Variants in JMY observed in about 807,000 individuals in gnomAD.
JMY encodes the protein junction-mediating and -regulatory protein.
A neutral mutation model predicts 103.3 loss-of-function variants in JMY; 46 were observed. The ratio of observed to expected loss-of-function variants is 0.45; its 90% CI spans 0.35 to 0.57. The LOEUF is 0.57. JMY is among the 20% of genes least tolerant of loss of function. JMY has a pLI of 0.00. For synonymous variants in JMY, 526 were observed against 489.3 expected, an observed-to-expected ratio of 1.07 and a Z score of -0.99; for missense variants, 1,238 against 1,255.2, an observed-to-expected ratio of 0.99 and a Z score of 0.21.
At chr5:79,265,271 TAGATA>T (rs1403849512) in intron 1 of JMY, among the ~76,000 whole-genome samples, 2 of 152,228 alleles carry the variant, frequency 1.3e-5, no homozygotes, top group African/African-American at 4.8e-5. Context: ...TTTAATTTTA[TAGATA>T]AGTAAATTGA....
Position 79,322,122 on chromosome 5 carries a change from A to G in JMY, c.*520A>G, listed in dbSNP as rs1747473385. 6.6e-6 allele frequency: 1 copy of G among 152,228 alleles called. No homozygotes were observed. The highest frequency in any genetic ancestry group is 2.4e-5 in the African/African-American group (1 of 41,462). 9.4% of individuals were successfully genotyped at this position (152,228 alleles called of 1,614,324 possible). On this transcript the variant is annotated 3_prime_UTR_variant, in exon 11 of 11. Coordinates refer to ENST00000396137, the MANE Select transcript of JMY (RefSeq NM_152405.5). The stretch of plus-strand genomic sequence containing the variant: ...AGTCAGGCATTAAAATCAAATGGAA[A>G]TACACCTAAAATGTCCGCATTACTC...
intron 6 of JMY, among the ~76,000 whole-genome samples, chr5:79,304,936 A>T (rs983613764): frequency 6.6e-6 from 1 of 152,220 alleles, no homozygotes; most frequent in Non-Finnish European, 1.5e-5. Context: ...GAGCAGGGGT[A>T]GGATTCTGTC....
intron 7 of JMY, among the ~76,000 whole-genome samples, chr5:79,308,912 C>A (rs1397862955): frequency 1.3e-5 from 2 of 151,928 alleles, no homozygotes; most frequent in Non-Finnish European, 2.9e-5. Flanking sequence ...AAGATTTATA[C>A]CTAAGATACC....
intron 1 of JMY, among the ~76,000 whole-genome samples, chr5:79,256,592 G>A (rs567283080): frequency 1.6e-4 from 25 of 152,096 alleles, no homozygotes; most frequent in Non-Finnish European, 3.7e-4. Context: ...ATGTTTTTTA[G>A]GGATGGAGTC....
intron 10 of JMY, 36 bp downstream of exon 10, chr5:79,316,346 A>G: frequency 6.7e-7 from 1 of 1,482,484 alleles, no homozygotes; most frequent in Non-Finnish European, 9.2e-7. Context: ...GCATTCAGTA[A>G]TACAGGTTTT....
chr5:79,290,427 C>T (rs1479797467), intron 3 of JMY, among the ~76,000 whole-genome samples, 156 bp downstream of exon 3: 1 of 151,874 alleles, frequency 6.6e-6, no homozygotes, highest in Non-Finnish European at 1.5e-5. Flanking sequence ...CACATCCTAT[C>T]AGTCTTTTCA....
At chr5:79,283,116 C>T (rs1344197550) in intron 2 of JMY, among the ~76,000 whole-genome samples, 4 of 152,062 alleles carry the variant, frequency 2.6e-5, no homozygotes, top group African/African-American at 4.8e-5. Flanking sequence ...CTCAGCCTCC[C>T]GGAGTAGCTG....
rs1745835664 is a variant in JMY, at chr5:79,273,141, CTT to C, written c.1033-4767_1033-4766del. On this transcript the variant is annotated intron_variant, in intron 1 of 10. Transcript: ENST00000396137. ...TCCTACTAATATCATTTCCAGCAAT[CTT>C]TATTCCTTTATGAAAATCTAAGTTT... Among the ~76,000 whole-genome samples the C allele has an allele frequency of 1.3e-5, 2 of 152,184 alleles. 1 individual carries two copies. The highest frequency in any genetic ancestry group is 1.3e-4 in the Admixed American group (2 of 15,272).
intron 4 of JMY, among the ~76,000 whole-genome samples, chr5:79,299,622 T>C (rs1289190018): frequency 3.9e-5 from 6 of 152,200 alleles, no homozygotes; most frequent in Non-Finnish European, 7.4e-5. Context: ...AGGATTTCCA[T>C]CTAAAGCAAT....
chr5:79,268,476 ATTTT>A (rs368808336), intron 1 of JMY, among the ~76,000 whole-genome samples: 1 of 145,662 alleles, frequency 6.9e-6, no homozygotes, highest in African/African-American at 2.8e-5. Context: ...CTTTTTATTT[ATTTT>A]TTATTTATTT....
At chr5:79,292,760 G>A (rs1348394512) in intron 4 of JMY, among the ~76,000 whole-genome samples, 1 of 151,948 alleles carries the variant, frequency 6.6e-6, no homozygotes, top group Non-Finnish European at 1.5e-5. Flanking sequence ...GGAAAAACGA[G>A]CATGAAATGG....
intron 3 of JMY, 106 bp from the exon 4 acceptor site, chr5:79,291,024 T>C (rs1436219821): frequency 1.3e-6 from 1 of 757,076 alleles, no homozygotes; most frequent in Non-Finnish European, 2.0e-6. Flanking sequence ...CAGTTTATCA[T>C]GACAGCAGGA....
At chr5:79,271,354 G>A (rs1447572948) in intron 1 of JMY, among the ~76,000 whole-genome samples, 1 of 152,044 alleles carries the variant, frequency 6.6e-6, no homozygotes, top group Non-Finnish European at 1.5e-5. Flanking sequence ...TTCTTGTAGT[G>A]TTTGTCTGTT....
chr5:79,275,824 A>G (rs1189346149), intron 1 of JMY, among the ~76,000 whole-genome samples: 1 of 152,140 alleles, frequency 6.6e-6, no homozygotes, highest in Non-Finnish European at 1.5e-5. Context: ...TTTAATGTAG[A>G]TTGTCTGATT....
chr5:79,262,254 C>G (rs1457947287), intron 1 of JMY, among the ~76,000 whole-genome samples: 2 of 152,200 alleles, frequency 1.3e-5, no homozygotes, highest in Non-Finnish European at 2.9e-5. Flanking sequence ...AAGGCCTTCC[C>G]TCTTCATCTC....
In JMY at chr5:79,325,039, C is replaced by T. The variant is rs1561322140; in HGVS notation, c.*3437C>T. 1 of 152,616 alleles carries T rather than the reference C, an allele frequency of 6.6e-6. No individual in the cohort carries two copies. The highest frequency in any genetic ancestry group is 2.4e-5 in the African/African-American group (1 of 41,452). The allele number at this position is 152,616 out of a possible 1,614,324, so 9.5% of individuals were successfully genotyped here. ...ATAGTAGACACTAAGAATTAAAACT[C>T]TTAAATCAGTGAAACAAAAACTAAT... On this transcript the variant is annotated 3_prime_UTR_variant, in exon 11 of 11. Transcript: ENST00000396137.
In JMY at chr5:79,326,197, TTTG is replaced by T. The variant is rs769564210; in HGVS notation, c.*4601_*4603del. 37 of 152,262 alleles carry T rather than the reference TTTG, an allele frequency of 2.4e-4. No individual in the cohort carries two copies. The highest frequency in any genetic ancestry group is 8.4e-4 in the African/African-American group (35 of 41,568). The allele number at this position is 152,262 out of a possible 1,614,324, so 9.4% of individuals were successfully genotyped here. Reference sequence around the variant, plus strand: ...AAAGTTTTGTTTTTTGCTGGTGTTTTTTGTTGTTTTTAATTAGGCACACTAAGA... The same window carrying T: ...AAAGTTTTGTTTTTTGCTGGTGTTTTTTGTTTTTAATTAGGCACACTAAGA... On this transcript the variant is annotated 3_prime_UTR_variant, in exon 11 of 11. Transcript: ENST00000396137.
chr5:79,314,630 C>T lies in JMY; in HGVS notation c.2438C>T (p.Pro813Leu). The T allele has an allele frequency of 6.6e-7, 1 of 1,523,276 alleles. No homozygotes were observed. Among genetic ancestry groups the T allele is most frequent in the Admixed American group, 1.7e-5 (1 of 58,952 alleles). 94.4% of individuals were successfully genotyped at this position (1,523,276 alleles called of 1,614,324 possible). The part of the protein sequence containing the change: ...LPSPLPPTPP[P>L]PPPPPPPPPP... The stretch of plus-strand genomic sequence containing the variant: ...TCCCCTCTTCCTCCAACACCACCAC[C>T]TCCCCCACCTCCTCCCCCTCCCCCA... Residue 813 changes from proline (P) to leucine (L), a missense_variant, in exon 9 of 11, where the codon CCT (proline) becomes CTT (leucine). Pro to Leu is a moderately conservative substitution (Grantham distance 98, BLOSUM62 -3). Coordinates refer to ENST00000396137, the MANE Select transcript of JMY (RefSeq NM_152405.5).
intron 7 of JMY, among the ~76,000 whole-genome samples, chr5:79,309,271 C>G (rs193105590): frequency 7.9e-5 from 12 of 152,044 alleles, no homozygotes; most frequent in African/African-American, 2.9e-4. Context: ...TGTGATGTTA[C>G]CTGTAGGTTT....
Sources: gnomAD v4.1 joint callset for allele counts (sites outside exome capture counted in the v4.1 genomes callset) on GRCh38, gnomAD v4.1.1 for gene constraint, MANE v1.5 for transcripts, NCBI Gene and HGNC (gene_info 2026-07-23, HGNC 2026-07-21) for gene names.